MYO16: variants seen among roughly 807,000 people sequenced by gnomAD.
The protein encoded by MYO16 is myosin XVI.
In MYO16, 94 loss-of-function variants were observed where a neutral mutation model predicts 205.3. The ratio of observed to expected loss-of-function variants is 0.46; its 90% CI spans 0.39 to 0.54. The LOEUF (loss-of-function observed/expected upper bound fraction) is 0.54. Ranked by LOEUF, MYO16 falls within the 20% of genes least tolerant of loss-of-function variation. The pLI, the probability that MYO16 is intolerant of heterozygous loss-of-function variation, is 0.00. For synonymous variants in MYO16, 988 were observed against 954.0 expected (o/e 1.04, Z -0.66); for missense variants, 2,315 against 2,387.5 (o/e 0.97, Z 0.63).
intron 16 of MYO16, among the ~76,000 whole-genome samples, chr13:108,916,549 G>A (rs538503083): frequency 6.6e-6 from 1 of 152,328 alleles, no homozygotes; most frequent in East Asian, 1.9e-4. Flanking sequence ...CGACGTTCTA[G>A]GGATTGCCAC....
At chr13:109,109,812 G>A (rs995374382) in intron 28 of MYO16, among the ~76,000 whole-genome samples, 5 of 152,168 alleles carry the variant, frequency 3.3e-5, no homozygotes, top group African/African-American at 1.2e-4. Flanking sequence ...AAATTAGATG[G>A]GATTCTCAAA....
intron 32 of MYO16, among the ~76,000 whole-genome samples, chr13:109,144,452 G>A (rs1226222561): frequency 1.3e-5 from 2 of 152,264 alleles, no homozygotes; most frequent in Non-Finnish European, 2.9e-5. Context: ...AAAGCATTCA[G>A]TGCTGGTGCT....
At chr13:108,869,677 G>A (rs1302373093) in intron 12 of MYO16, among the ~76,000 whole-genome samples, 1 of 141,276 alleles carries the variant, frequency 7.1e-6, no homozygotes, top group African/African-American at 2.6e-5. Context: ...GTTGCAGTGA[G>A]CCGAGATCGT....
intron 13 of MYO16, among the ~76,000 whole-genome samples, chr13:108,885,062 T>TG (rs1187898788): frequency 1.3e-5 from 2 of 148,314 alleles, no homozygotes; most frequent in African/African-American, 5.0e-5. Context: ...GGCACTGAGG[T>TG]GGGGGCTCCA....
At chr13:108,804,349 C>T (rs1316010168) in intron 6 of MYO16, among the ~76,000 whole-genome samples, 4 of 152,186 alleles carry the variant, frequency 2.6e-5, no homozygotes, top group Admixed American at 2.6e-4. Context: ...ATGATAACCA[C>T]CTCTGTGTTT....
In MYO16 at chr13:108,754,469, A is replaced by C. The variant is rs978066782; in HGVS notation, c.507+26886A>C. Among the ~76,000 whole-genome samples, 5 of 152,180 alleles carry C rather than the reference A, an allele frequency of 3.3e-5. 1 individual carries two copies. The highest frequency in any genetic ancestry group is 7.3e-5 in the Non-Finnish European group (5 of 68,034). On this transcript the variant is annotated intron_variant, in intron 4 of 34. Coordinates refer to ENST00000457511, the MANE Select transcript of MYO16 (RefSeq NM_001198950.3). ...GACAGAAAACTATATTGACATACTG[A>C]ACAACATTTTTGAGCATGAATAAAA...
chr13:108,583,838 T>C, the MYO16 span, among the ~76,000 whole-genome samples: 1 of 152,180 alleles, frequency 6.6e-6, no homozygotes, highest in African/African-American at 2.4e-5. Flanking sequence ...CTCCTAACTT[T>C]CCAGTGCCTA....
intron 23 of MYO16, among the ~76,000 whole-genome samples, chr13:109,036,555 C>T (rs1886723447): frequency 6.6e-6 from 1 of 152,156 alleles, no homozygotes; most frequent in Non-Finnish European, 1.5e-5. Flanking sequence ...CCTCATTTGG[C>T]ATCCACACTG....
chr13:108,948,827 T>C (rs1368146267), intron 16 of MYO16, among the ~76,000 whole-genome samples: 2 of 152,226 alleles, frequency 1.3e-5, no homozygotes, highest in South Asian at 2.1e-4. Flanking sequence ...AAGAAACTTA[T>C]TCCAGAACTA....
intron 32 of MYO16, among the ~76,000 whole-genome samples, chr13:109,158,730 A>T (rs751664344): frequency 1.0e-5 from 1 of 97,662 alleles, no homozygotes; most frequent in African/African-American, 4.7e-5. Context: ...GAGCTTTTTT[A>T]AAAAAATAAT....
At chr13:108,567,726 C>T in the MYO16 span, among the ~76,000 whole-genome samples, 3 of 151,998 alleles carry the variant, frequency 2.0e-5, no homozygotes, top group Admixed American at 2.0e-4. Flanking sequence ...TATAAAATTC[C>T]CCTTATTAAA....
intron 12 of MYO16, 102 bp from the exon 13 acceptor site, chr13:108,882,957 A>G: frequency 6.9e-7 from 1 of 1,445,132 alleles, no homozygotes; most frequent in Non-Finnish European, 9.3e-7. Context: ...TTAGGGATTC[A>G]TTCACTTCTG....
rs560294937 is a variant in MYO16, at chr13:108,975,350, A to G, written c.2369+10448A>G. Among the ~76,000 whole-genome samples the G allele has an allele frequency of 2.6e-5, 4 of 152,242 alleles. No homozygotes were observed. The South Asian group carries it at 8.3e-4, about 32-fold the overall frequency. On this transcript the variant is annotated intron_variant, in intron 20 of 34. Coordinates refer to ENST00000457511, the MANE Select transcript of MYO16 (RefSeq NM_001198950.3). ...TGATTATTTTATTCTCAAATTATTCAACAAAGAGGTTTTTTATAAAATAAA... is the reference window on the plus strand; with the variant it reads ...TGATTATTTTATTCTCAAATTATTCGACAAAGAGGTTTTTTATAAAATAAA...
chr13:109,019,962 C>A, intron 23 of MYO16, 51 bp downstream of exon 23: 1 of 1,555,022 alleles, frequency 6.4e-7, no homozygotes, highest in Non-Finnish European at 8.8e-7. Flanking sequence ...GATCAAAGGT[C>A]CTTGGGACAA....
At chr13:108,499,349 A>AT in the MYO16 span, among the ~76,000 whole-genome samples, 1 of 152,140 alleles carries the variant, frequency 6.6e-6, no homozygotes, top group East Asian at 1.9e-4. Context: ...CTAACTCTAG[A>AT]TTTTCTGGAG....
chr13:108,523,435 G>A, the MYO16 span, among the ~76,000 whole-genome samples: 1 of 152,206 alleles, frequency 6.6e-6, no homozygotes, highest in Non-Finnish European at 1.5e-5. Flanking sequence ...GTTTCTGGCA[G>A]TAGCATCTTC....
At chr13:108,722,954 G>A (rs16972986) in intron 3 of MYO16, among the ~76,000 whole-genome samples, 34,978 of 151,914 alleles carry the variant, frequency 0.23, 5,095 homozygotes, top group African/African-American at 0.42. Flanking sequence ...GTAAGAATTC[G>A]CATTTGTCAT....
chr13:108,729,177 T>G (rs954919389), intron 4 of MYO16, among the ~76,000 whole-genome samples: 7 of 152,060 alleles, frequency 4.6e-5, no homozygotes, highest in African/African-American at 1.7e-4. Flanking sequence ...AACAAGATTT[T>G]TGTTTTGTAG....
At chr13:109,205,847 A>G (rs145836114) in intron 34 of MYO16, among the ~76,000 whole-genome samples, 5 of 152,246 alleles carry the variant, frequency 3.3e-5, no homozygotes, top group African/African-American at 1.2e-4. Context: ...TAATGTTCCC[A>G]TCTTTGAGGG....
Sources: allele counts gnomAD v4.1 joint callset (sites outside exome capture counted in the v4.1 genomes callset), GRCh38; gene constraint gnomAD v4.1.1; transcripts MANE v1.5; gene names NCBI Gene and HGNC (gene_info 2026-07-23, HGNC 2026-07-21).